Variants in AKR1E2 observed in about 807,000 individuals in gnomAD.
AKR1E2 encodes the protein aldo-keto reductase family 1 member E2, also known as 1,5-anhydro-D-fructose reductase.
A neutral mutation model predicts 41.9 loss-of-function variants in AKR1E2; 43 were observed. The observed-to-expected ratio is 1.03, with a 90% confidence interval of 0.80 to 1.32. The LOEUF is 1.32. Among genes scored for constraint, AKR1E2 ranks in the 40% most tolerant of loss-of-function variants. The pLI is 0.00. For missense variants in AKR1E2, 423 were observed against 396.5 expected, an observed-to-expected ratio of 1.07 and a Z score of -0.57; for synonymous variants, 121 against 138.9, an observed-to-expected ratio of 0.87 and a Z score of 0.91.
At chr10:4,862,414 G>A in the AKR1E2 span, among the ~76,000 whole-genome samples, 1 of 152,178 alleles carries the variant, frequency 6.6e-6, no homozygotes, top group Non-Finnish European at 1.5e-5. Context: ...GGCAATGCAT[G>A]CTCTTTTTTG....
At chr10:4,825,926 G>C (rs990821820), upstream of AKR1E2, among the ~76,000 whole-genome samples, 2 of 151,600 alleles carry the variant, frequency 1.3e-5, no homozygotes, top group Admixed American at 6.6e-5. Context: ...TCACACCTAA[G>C]GTGGGGGCGT....
chr10:4,862,086 C>A, the AKR1E2 span, among the ~76,000 whole-genome samples: 3 of 152,304 alleles, frequency 2.0e-5, no homozygotes, highest in South Asian at 6.2e-4. Flanking sequence ...AGTCTTTAAT[C>A]CATCTTGAAT....
At chr10:4,826,548 C>T (rs1012704296) in intron 1 of AKR1E2, among the ~76,000 whole-genome samples, 185 bp downstream of exon 1, 1 of 152,166 alleles carries the variant, frequency 6.6e-6, no homozygotes, top group Non-Finnish European at 1.5e-5. Flanking sequence ...CCCGGCCTTT[C>T]CTAAAACGGA....
the AKR1E2 span, among the ~76,000 whole-genome samples, chr10:4,855,777 G>A: frequency 6.6e-6 from 1 of 152,334 alleles, no homozygotes; most frequent in East Asian, 1.9e-4. Flanking sequence ...CAGTTTTAAA[G>A]ATTATTGGTA....
At chr10:4,829,312 C>A (rs1001921088) in intron 1 of AKR1E2, among the ~76,000 whole-genome samples, 17 of 152,100 alleles carry the variant, frequency 1.1e-4, no homozygotes, top group African/African-American at 3.9e-4. Flanking sequence ...TCAAACCATC[C>A]TTAGATATCT....
intron 8 of AKR1E2, chr10:4,846,118 A>C: frequency 6.7e-6 from 2 of 298,498 alleles, no homozygotes; most frequent in South Asian, 2.9e-5. Context: ...GAATCCGCCT[A>C]CCCCGGCCCC....
At chr10:4,844,535 G>C (rs192005586) in intron 8 of AKR1E2, among the ~76,000 whole-genome samples, 2 of 152,158 alleles carry the variant, frequency 1.3e-5, no homozygotes, top group Admixed American at 1.3e-4. Flanking sequence ...ATTTTACAGA[G>C]AGCCGAGTGG....
the AKR1E2 span, among the ~76,000 whole-genome samples, chr10:4,853,434 C>T: frequency 1.5e-5 from 2 of 131,776 alleles, no homozygotes; most frequent in Non-Finnish European, 3.3e-5. Flanking sequence ...CAATGAGGAA[C>T]TTGTTGCCAA....
At chr10:4,870,865 C>T in the AKR1E2 span, among the ~76,000 whole-genome samples, 1 of 152,078 alleles carries the variant, frequency 6.6e-6, no homozygotes, top group Non-Finnish European at 1.5e-5. Flanking sequence ...CATTATTTCT[C>T]TAAGCACTTT....
In AKR1E2 at chr10:4,842,470, C is replaced by G; in HGVS notation, c.803C>G (p.Ser268Cys). Residue 268 changes from serine to cysteine, a missense_variant, in exon 8 of 10, where the codon TCT becomes TGT. By Grantham distance (112) the Ser-to-Cys change is moderately radical. Transcript: ENST00000298375. Reference protein sequence around the residue: ...IQRNVIVIPGSITPSHIKENI... With the variant: ...IQRNVIVIPGCITPSHIKENI... ...AGGAATGTGATAGTGATCCCCGGAT[C>G]TATCACCCCAAGTCACATTAAAGAG... The G allele has an allele frequency of 6.2e-7, 1 of 1,614,182 alleles. No individual in the cohort carries two copies. The highest frequency in any genetic ancestry group is 8.5e-7 in the Non-Finnish European group (1 of 1,180,008).
the AKR1E2 span, among the ~76,000 whole-genome samples, chr10:4,870,136 C>T: frequency 1.3e-5 from 2 of 151,998 alleles, no homozygotes; most frequent in South Asian, 4.1e-4. Context: ...ACATTACATA[C>T]ACACAATTAT....
At chr10:4,868,634 T>C in the AKR1E2 span, among the ~76,000 whole-genome samples, 1 of 152,238 alleles carries the variant, frequency 6.6e-6, no homozygotes, top group Non-Finnish European at 1.5e-5. Flanking sequence ...CTTGCTTTTT[T>C]CCCAGTCTTA....
chr10:4,830,442 A>C (rs551210155), intron 1 of AKR1E2, among the ~76,000 whole-genome samples: 1 of 152,212 alleles, frequency 6.6e-6, no homozygotes, highest in Admixed American at 6.5e-5. Flanking sequence ...TTCTGCAGAC[A>C]CTAAAAATAA....
At chr10:4,871,673 C>T in the AKR1E2 span, among the ~76,000 whole-genome samples, 4 of 120,348 alleles carry the variant, frequency 3.3e-5, no homozygotes, top group African/African-American at 1.2e-4. Context: ...TAGGTTATTT[C>T]AAATACATCT....
At chr10:4,851,083 A>G (rs1292156988), downstream of AKR1E2, among the ~76,000 whole-genome samples, 1 of 152,220 alleles carries the variant, frequency 6.6e-6, no homozygotes, top group African/African-American at 2.4e-5. Context: ...GAAATGGGAG[A>G]GGCACGCATG....
At chr10:4,846,689 G>A (rs988775387) in intron 8 of AKR1E2, among the ~76,000 whole-genome samples, 1 of 152,056 alleles carries the variant, frequency 6.6e-6, no homozygotes, top group South Asian at 2.1e-4. Context: ...GGGACTAGAG[G>A]CATATGCCAC....
At position 4,839,740 on chromosome 10, in the gene AKR1E2, C is replaced by T. The variant is rs1833721199; in HGVS notation, c.594C>T (p.His198=). ...TGATTCTGTTATAGATTGAGTGCCA[C>T]CCATATCTTACTCAGAAGAATCTGA... ...FKPLTNQIEC[H]PYLTQKNLIS... Residue 198 remains histidine, a synonymous_variant, in exon 6 of 10, where the codon CAC becomes CAT. Coordinates refer to ENST00000298375, the MANE Select transcript of AKR1E2 (RefSeq NM_001040177.3). The T allele has an allele frequency of 6.2e-7, 1 of 1,613,736 alleles. No homozygotes were observed. The highest frequency in any genetic ancestry group is 2.2e-5 in the East Asian group (1 of 44,880).
Position 4,829,590 on chromosome 10 carries a change from CT to C in AKR1E2, c.40-1077del, listed in dbSNP as rs149822902. Among the ~76,000 whole-genome samples, 5 of 151,510 alleles carry C rather than the reference CT, an allele frequency of 3.3e-5. 1 individual carries two copies. Among genetic ancestry groups the C allele is most frequent in the Admixed American group, 2.0e-4 (3 of 15,228 alleles). The stretch of plus-strand genomic sequence containing the variant: ...AATTTTATGAAACTGGTGGTTTTCT[CT>C]TTTTTTTGAATTCCTTGCATTCTTT... On this transcript the variant is annotated intron_variant, in intron 1 of 9. Coordinates refer to ENST00000298375, the MANE Select transcript of AKR1E2 (RefSeq NM_001040177.3).
chr10:4,839,633 C>T (rs1057344197), intron 5 of AKR1E2, 96 bp from the exon 6 acceptor site: 37 of 1,141,124 alleles, frequency 3.2e-5, no homozygotes, highest in East Asian at 7.2e-5. Context: ...CATGGCTACT[C>T]GGTGACAGCC....
Sources: gnomAD v4.1 joint callset for allele counts (sites outside exome capture counted in the v4.1 genomes callset) on GRCh38, gnomAD v4.1.1 for gene constraint, MANE v1.5 for transcripts, NCBI Gene and HGNC (gene_info 2026-07-23, HGNC 2026-07-21) for gene names.